Variants in PLA2G4E observed in about 807,000 individuals in gnomAD.
PLA2G4E encodes the protein cytosolic phospholipase A2 epsilon.
In PLA2G4E, 84 loss-of-function variants were observed where a neutral mutation model predicts 109.1. That is an observed-to-expected ratio of 0.77 (90% CI 0.65 to 0.92). The LOEUF is 0.92. Among genes scored for constraint, PLA2G4E ranks in the 40% least tolerant of loss-of-function variants. The pLI, the probability that PLA2G4E is intolerant of heterozygous loss-of-function variation, is 0.00. For missense variants in PLA2G4E, 1,057 were observed against 1,076.6 expected (o/e 0.98, Z 0.25); for synonymous variants, 469 against 436.1 (o/e 1.08, Z -0.94).
chr15:41,984,020 T>C (rs777718765), intron 19 of PLA2G4E, 46 bp from the exon 20 acceptor site: 1 of 1,521,536 alleles, frequency 6.6e-7, no homozygotes, highest in Non-Finnish European at 8.9e-7. Context: ...CATGTTAGGT[T>C]GGAATGACTT....
chr15:41,990,212 A>T lies in PLA2G4E; in HGVS notation c.1494T>A (p.Asp498Glu), dbSNP rs781166963. 4.3e-6 allele frequency: 7 copies of T among 1,613,600 alleles called. No homozygotes were observed. The African/African-American group carries it at 5.3e-5, about 12-fold the overall frequency. ...GGCCGCAGCTCAAAGCAGCACGCTGATCTGACAGTTTGCATTCATTTCTCT... is the reference window on the plus strand; with the variant it reads ...GGCCGCAGCTCAAAGCAGCACGCTGTTCTGACAGTTTGCATTCATTTCTCT... Residue 498 changes from aspartate to glutamate, a missense_variant, in exon 14 of 20, where the codon GAT becomes GAA. Coordinates refer to ENST00000399518, the Ensembl canonical transcript of PLA2G4E.
chr15:42,012,468 C>T (rs1943823689), intron 2 of PLA2G4E, among the ~76,000 whole-genome samples: 2 of 152,184 alleles, frequency 1.3e-5, no homozygotes, highest in Non-Finnish European at 2.9e-5. Flanking sequence ...CCTCAAGTTG[C>T]TGGGAGCATC....
chr15:42,043,822 G>C (rs1426017862), intron 1 of PLA2G4E, among the ~76,000 whole-genome samples: 1 of 152,084 alleles, frequency 6.6e-6, no homozygotes, highest in Non-Finnish European at 1.5e-5. Context: ...TGATTTCACA[G>C]GATTGTTGTA....
In PLA2G4E at chr15:42,000,356, C is replaced by A. The variant is rs1234340421; in HGVS notation, c.674-74G>T. On this transcript the variant is annotated intron_variant, in intron 7 of 19. Transcript: ENST00000399518. ...ACCTGCAACTTGGTCCAGCAAAAAA[C>A]CTATTTGGAGGTATCCAGGAGGAGT... 3 of 1,406,776 alleles carry A rather than the reference C, an allele frequency of 2.1e-6. No individual in the cohort carries two copies. The African/African-American group carries it at 4.3e-5, about 20-fold the overall frequency. The allele number at this position is 1,406,776 out of a possible 1,614,324, so 87.1% of individuals were successfully genotyped here. A position where few individuals can be genotyped will look rare whatever the true frequency, so the allele number is the denominator to read the frequency against.
At chr15:42,015,339 G>C (rs139800481) in intron 1 of PLA2G4E, among the ~76,000 whole-genome samples, 2 of 152,116 alleles carry the variant, frequency 1.3e-5, no homozygotes, top group African/African-American at 4.8e-5. Flanking sequence ...CCGAGGGACC[G>C]CAGCGCTCTC....
At chr15:42,045,280 G>T (rs1047031619) in intron 1 of PLA2G4E, among the ~76,000 whole-genome samples, 2 of 152,164 alleles carry the variant, frequency 1.3e-5, no homozygotes, top group African/African-American at 2.4e-5. Flanking sequence ...CACGTGGGTG[G>T]CACAGAGTAG....
At position 42,029,351 on chromosome 15, in the gene PLA2G4E, G is replaced by A. The variant is rs564862432; in HGVS notation, c.184-15594C>T. On this transcript the variant is annotated intron_variant, in intron 1 of 19. Transcript: ENST00000399518. ...GCTCAAGCAATCTGCCCACCTCAGC[G>A]TCCCAAAGTACTGGGATTACAAGCA... Among the ~76,000 whole-genome samples the A allele has an allele frequency of 3.1e-4, 47 of 152,192 alleles. 1 individual carries two copies. In the East Asian group the frequency reaches 7.3e-3, roughly 24 times the overall value.
exon 1 of PLA2G4E, chr15:42,050,656 C>T: frequency 1.3e-6 from 2 of 1,550,614 alleles, no homozygotes; most frequent in Non-Finnish European, 1.7e-6. Context: ...GTGGGACAAA[C>T]ACATTAGTTC....
At chr15:42,013,727 C>T in exon 2 of PLA2G4E, 1 of 1,550,690 alleles carries the variant, frequency 6.4e-7, no homozygotes, top group South Asian at 1.2e-5. Flanking sequence ...ATGACCCTCA[C>T]TGTCAACAGG....
chr15:42,010,128 A>G (rs781668414), intron 2 of PLA2G4E: 1 of 456,102 alleles, frequency 2.2e-6, no homozygotes, highest in East Asian at 6.5e-5. Context: ...TTTCCAGAAC[A>G]CTGGCCCCCC....
intron 2 of PLA2G4E, chr15:42,010,135 C>CCG (rs1555387004): frequency 4.3e-6 from 2 of 467,734 alleles, no homozygotes; most frequent in Non-Finnish European, 8.5e-6. Context: ...AACACTGGCC[C>CCG]CCCCACCCCG....
intron 7 of PLA2G4E, 130 bp from the exon 8 acceptor site, chr15:42,000,412 C>T (rs2068404713): frequency 1.2e-6 from 1 of 858,482 alleles, no homozygotes. Flanking sequence ...AGTTCAAATT[C>T]CCCAGAGATT....
intron 1 of PLA2G4E, among the ~76,000 whole-genome samples, chr15:42,047,044 C>A (rs1253308500): frequency 6.6e-6 from 1 of 152,204 alleles, no homozygotes; most frequent in African/African-American, 2.4e-5. Flanking sequence ...AGATGAGGAG[C>A]TATTTGAAGA....
chr15:42,023,045 C>T (rs144933799), intron 1 of PLA2G4E, among the ~76,000 whole-genome samples: 1 of 152,206 alleles, frequency 6.6e-6, no homozygotes, highest in East Asian at 1.9e-4. Context: ...ACAGCATGAA[C>T]ACAGGCAGGG....
At chr15:42,031,347 A>G (rs912054869) in intron 1 of PLA2G4E, among the ~76,000 whole-genome samples, 1 of 152,186 alleles carries the variant, frequency 6.6e-6, no homozygotes, top group African/African-American at 2.4e-5. Context: ...CTGCATAAAT[A>G]TACATTTTCA....
At chr15:41,983,870 C>G in exon 20 of PLA2G4E, 1 of 1,613,364 alleles carries the variant, frequency 6.2e-7, no homozygotes, top group Non-Finnish European at 8.5e-7. Context: ...ACCAGCTTGT[C>G]AAAGGTGGCC....
At chr15:41,993,014 C>T (rs757054672) in intron 12 of PLA2G4E, 55 bp from the exon 13 acceptor site, 100 of 1,486,660 alleles carry the variant, frequency 6.7e-5, no homozygotes, top group East Asian at 1.2e-4. Context: ...TCTGATGAGT[C>T]CTGGACCCGG....
chr15:42,027,504 C>T (rs1027188041), intron 1 of PLA2G4E, among the ~76,000 whole-genome samples: 1 of 152,196 alleles, frequency 6.6e-6, no homozygotes, highest in African/African-American at 2.4e-5. Context: ...CCACTTAACT[C>T]CTATATTGCC....
At chr15:42,022,810 G>C (rs548774457) in intron 1 of PLA2G4E, among the ~76,000 whole-genome samples, 6 of 152,294 alleles carry the variant, frequency 3.9e-5, no homozygotes, top group African/African-American at 1.4e-4. Context: ...GTGGCCAGGG[G>C]GTTGGGGGCC....
Sources: allele counts gnomAD v4.1 joint callset (sites outside exome capture counted in the v4.1 genomes callset), GRCh38; gene constraint gnomAD v4.1.1; transcripts MANE v1.5; gene names NCBI Gene and HGNC (gene_info 2026-07-23, HGNC 2026-07-21).